ARHGAP25: variants seen among roughly 807,000 people sequenced by gnomAD.
ARHGAP25 encodes Rho GTPase activating protein 25.
In ARHGAP25, 34 loss-of-function variants were observed where a neutral mutation model predicts 71.0. The observed-to-expected ratio is 0.48, with a 90% CI of 0.36 to 0.64. The LOEUF (loss-of-function observed/expected upper bound fraction) is 0.64, where lower values mean the gene tolerates loss of function less well. Ranked by LOEUF, ARHGAP25 falls within the 30% of genes least tolerant of loss-of-function variation. ARHGAP25 has a pLI of 0.00. For synonymous variants in ARHGAP25, 282 were observed against 296.5 expected (o/e 0.95, Z 0.50); for missense variants, 706 against 805.1 (o/e 0.88, Z 1.49).
At chr2:68,823,530 T>C (rs1400282483) in intron 10 of ARHGAP25, among the ~76,000 whole-genome samples, 1 of 151,926 alleles carries the variant, frequency 6.6e-6, no homozygotes, top group East Asian at 1.9e-4. Flanking sequence ...GAGATGACTA[T>C]GGCCAGTGCC....
intron 2 of ARHGAP25, among the ~76,000 whole-genome samples, chr2:68,713,430 A>G (rs1283036717): frequency 6.6e-6 from 1 of 152,312 alleles, no homozygotes; most frequent in South Asian, 2.1e-4. Context: ...TTCTAAATAT[A>G]CAATCATGTC....
chr2:68,811,865 A>C (rs1680851360), intron 5 of ARHGAP25, among the ~76,000 whole-genome samples: 1 of 152,160 alleles, frequency 6.6e-6, no homozygotes, highest in African/African-American at 2.4e-5. Context: ...CATCACTGAA[A>C]TCAAGGAGAT....
At position 68,816,362 on chromosome 2, in the gene ARHGAP25, G is replaced by A; in HGVS notation, c.881G>A (p.Arg294Lys). ...DNYSLLSYICRFLHEIQLNCA... is the reference protein window; with the variant it reads ...DNYSLLSYICKFLHEIQLNCA... ...TATAGTCTCCTGAGCTACATCTGCAGGTGAGAGGCCCCTGGTATCAACTCT... is the reference window on the plus strand; with the variant it reads ...TATAGTCTCCTGAGCTACATCTGCAAGTGAGAGGCCCCTGGTATCAACTCT... The change falls in exon 7 of 11, where the codon AGG (arginine) becomes AAG (lysine). Residue 294 changes from arginine to lysine, a missense_variant and splice_region_variant. By Grantham distance (26) the Arg-to-Lys change is conservative. Coordinates refer to ENST00000409202, the MANE Select transcript of ARHGAP25 (RefSeq NM_001007231.3). 6.2e-7 allele frequency: 1 copy of A among 1,611,040 alleles called. No homozygotes were observed. The highest frequency in any genetic ancestry group is 8.5e-7 in the Non-Finnish European group (1 of 1,177,366).
chr2:68,824,853 C>G (rs1358557899), intron 10 of ARHGAP25, among the ~76,000 whole-genome samples: 1 of 152,260 alleles, frequency 6.6e-6, no homozygotes, highest in African/African-American at 2.4e-5. Flanking sequence ...CAGAATAGGC[C>G]AAGGCCCTTG....
Position 68,822,649 on chromosome 2 carries a change from G to C in ARHGAP25, c.1510G>C (p.Asp504His). 6.2e-7 allele frequency: 1 copy of C among 1,614,096 alleles called. No individual in the cohort carries two copies. Among genetic ancestry groups the C allele is most frequent in the South Asian group, 1.1e-5 (1 of 91,088 alleles). Residue 504 changes from aspartate (D) to histidine (H), a missense_variant, in exon 10 of 11, where the codon GAT becomes CAT. Physicochemically the swap from Asp to His is moderately conservative, Grantham distance 81. Coordinates refer to ENST00000409202, the MANE Select transcript of ARHGAP25 (RefSeq NM_001007231.3). The part of the protein sequence containing the change: ...LSDSQRTSTY[D>H]NVPSLPGSPG... The stretch of plus-strand genomic sequence containing the variant: ...TGACTCCCAACGGACTTCCACCTAC[G>C]ATAACGTCCCTTCCCTGCCAGGGTC...
chr2:68,815,443 C>CT (rs796100406), intron 6 of ARHGAP25, among the ~76,000 whole-genome samples: 1,295 of 62,250 alleles, frequency 0.021, 64 homozygotes, highest in Middle Eastern at 0.095. Flanking sequence ...TGTGTACTCT[C>CT]TTTTTTTTTT....
rs191696479 is a variant in ARHGAP25, at chr2:68,791,675, G to A, written c.466+3719G>A. 1.9e-3 allele frequency among the ~76,000 whole-genome samples: 286 copies of A among 152,214 alleles called. 1 individual carries two copies. The highest frequency in any genetic ancestry group is 6.6e-3 in the African/African-American group (272 of 41,522). ...AGCCCGTCTGTACACCCTAGGGAAT[G>A]AATCCCAATTTTAAATTTTAGAAGT... On this transcript the variant is annotated intron_variant, in intron 4 of 10. Coordinates refer to ENST00000409202, the MANE Select transcript of ARHGAP25 (RefSeq NM_001007231.3).
chr2:68,788,964 C>G lies in ARHGAP25; in HGVS notation c.466+1008C>G, dbSNP rs10201081. ...GAGGCATTTTATGTTTATCTTTCATCTACTGTTTACATCTACACACTTTTT... is the reference window on the plus strand; with the variant it reads ...GAGGCATTTTATGTTTATCTTTCATGTACTGTTTACATCTACACACTTTTT... On this transcript the variant is annotated intron_variant, in intron 4 of 10. Transcript: ENST00000409202. Among the ~76,000 whole-genome samples, 844 of 152,086 alleles carry G rather than the reference C, an allele frequency of 5.5e-3. 20 individuals are homozygous for G. Among genetic ancestry groups the G allele is most frequent in the East Asian group, 0.055 (284 of 5,184 alleles).
chr2:68,824,022 A>G (rs1219846936), intron 10 of ARHGAP25, among the ~76,000 whole-genome samples: 3 of 152,230 alleles, frequency 2.0e-5, no homozygotes, highest in East Asian at 3.8e-4. Context: ...GTCTTAGTCC[A>G]TGCAGACTCA....
At chr2:68,800,653 C>T (rs1679900239) in intron 4 of ARHGAP25, among the ~76,000 whole-genome samples, 1 of 152,112 alleles carries the variant, frequency 6.6e-6, no homozygotes, top group African/African-American at 2.4e-5. Context: ...GGAAATAAAG[C>T]ACTGAATATA....
intron 4 of ARHGAP25, among the ~76,000 whole-genome samples, chr2:68,802,575 T>C (rs4854457): frequency 0.31 from 46,866 of 151,714 alleles, 8,332 homozygotes; most frequent in East Asian, 0.51. Flanking sequence ...TGGCACTTGA[T>C]GATGGAATGA....
At chr2:68,801,709 T>C (rs377295619) in intron 4 of ARHGAP25, among the ~76,000 whole-genome samples, 1 of 151,788 alleles carries the variant, frequency 6.6e-6, no homozygotes, top group Non-Finnish European at 1.5e-5. Context: ...CTTTGAGGGG[T>C]CCACAGTCCA....
intron 1 of ARHGAP25, among the ~76,000 whole-genome samples, chr2:68,742,540 G>A (rs1228860640): frequency 5.3e-5 from 8 of 152,206 alleles, no homozygotes; most frequent in Non-Finnish European, 1.0e-4. Context: ...TATTGTGAGG[G>A]TAAGAGAAGA....
At chr2:68,823,467 G>A (rs1232410118) in intron 10 of ARHGAP25, among the ~76,000 whole-genome samples, 1 of 152,238 alleles carries the variant, frequency 6.6e-6, no homozygotes, top group Non-Finnish European at 1.5e-5. Context: ...TGAGAAGGCA[G>A]CAGGTAAGTA....
In ARHGAP25 at chr2:68,822,723, G is replaced by A; in HGVS notation, c.1584G>A (p.Lys528=). 6.2e-7 allele frequency: 1 copy of A among 1,614,158 alleles called. No individual in the cohort carries two copies. The highest frequency in any genetic ancestry group is 8.5e-7 in the Non-Finnish European group (1 of 1,180,046). ...SALSSQACDS[K]GDTLASPNSE... ...TCTCTTCCCAAGCCTGTGACTCCAA[G>A]GGAGATACTCTTGCCAGTCCAAACT... Residue 528 remains lysine (K), a synonymous_variant, in exon 10 of 11, where the codon AAG becomes AAA. Coordinates refer to ENST00000409202, the MANE Select transcript of ARHGAP25 (RefSeq NM_001007231.3).
intron 1 of ARHGAP25, among the ~76,000 whole-genome samples, chr2:68,773,587 C>T (rs1008474346): frequency 3.3e-5 from 5 of 152,152 alleles, no homozygotes; most frequent in Non-Finnish European, 7.4e-5. Flanking sequence ...ACACTAGAAA[C>T]CCAATCCCCA....
intron 2 of ARHGAP25, among the ~76,000 whole-genome samples, chr2:68,720,316 C>CAAAAAAAAAAA (rs11314943): frequency 4.0e-5 from 3 of 75,660 alleles, no homozygotes; most frequent in East Asian, 2.8e-4. Context: ...ACATTTCAGT[C>CAAAAAAAAAAA]AAAAAAAAAA....
intron 7 of ARHGAP25, among the ~76,000 whole-genome samples, chr2:68,817,127 G>A (rs1410150181): frequency 6.6e-6 from 1 of 151,880 alleles, no homozygotes; most frequent in African/African-American, 2.4e-5. Flanking sequence ...TTGGTTTAAT[G>A]TTTTATTATG....
At position 68,807,287 on chromosome 2, in the gene ARHGAP25, C is replaced by A. The variant is rs141376321; in HGVS notation, c.481C>A (p.Arg161Ser). Reference sequence around the variant, plus strand: ...TCTCTCCTCAGCAGTGTTTGGCCAGCGCTTGGATGAGACTGTGGCCTATGA... The same window carrying A: ...TCTCTCCTCAGCAGTGTTTGGCCAGAGCTTGGATGAGACTGTGGCCTATGA... ...GTPCGAVFGQ[R>S]LDETVAYEQK... is the part of the protein sequence containing the mutation. Residue 161 changes from arginine (R) to serine (S), a missense_variant, in exon 5 of 11, where the codon CGC becomes AGC. Arg to Ser is a moderately radical substitution (Grantham distance 110, BLOSUM62 -1). Transcript: ENST00000409202. 1 of 1,614,220 alleles carries A rather than the reference C, an allele frequency of 6.2e-7. No homozygotes were observed. Among genetic ancestry groups the A allele is most frequent in the East Asian group, 2.2e-5 (1 of 44,872 alleles).
Sources: allele counts gnomAD v4.1 joint callset (sites outside exome capture counted in the v4.1 genomes callset), GRCh38; gene constraint gnomAD v4.1.1; transcripts MANE v1.5; gene names NCBI Gene and HGNC (gene_info 2026-07-23, HGNC 2026-07-21).